The following FGF12 variants were observed in gnomAD, a reference collection of about 807,000 sequenced individuals.
FGF12 encodes fibroblast growth factor 12B.
A neutral mutation model predicts 23.6 loss-of-function variants in FGF12; 14 were observed. The ratio of observed to expected loss-of-function variants is 0.59; its 90% confidence interval spans 0.39 to 0.93. FGF12 has a LOEUF of 0.93. Ranked by LOEUF, FGF12 falls within the 40% of genes least tolerant of loss-of-function variation. FGF12 has a pLI of 0.00. For missense variants in FGF12, 175 were observed against 217.8 expected, an observed-to-expected ratio of 0.80 and a Z score of 1.24; for synonymous variants, 62 against 77.3, an observed-to-expected ratio of 0.80 and a Z score of 1.04.
At chr3:192,181,459 A>G (rs1213016172) in intron 4 of FGF12, among the ~76,000 whole-genome samples, 1 of 151,848 alleles carries the variant, frequency 6.6e-6, no homozygotes, top group South Asian at 2.1e-4. Flanking sequence ...CAAAACACAC[A>G]CCTGTATCAG....
At chr3:192,523,650 A>T (rs2055420) in intron 2 of FGF12, among the ~76,000 whole-genome samples, 9 of 152,104 alleles carry the variant, frequency 5.9e-5, no homozygotes, top group African/African-American at 9.7e-5. Flanking sequence ...ATAAGATACT[A>T]TTAAGTCCAC....
chr3:192,664,007 A>G (rs55819291), intron 2 of FGF12, among the ~76,000 whole-genome samples: 13,039 of 152,194 alleles, frequency 0.086, 752 homozygotes, highest in African/African-American at 0.16. Context: ...AGCTTCTCCA[A>G]TCCTACCACT....
At chr3:192,507,710 A>G (rs997701544) in intron 2 of FGF12, among the ~76,000 whole-genome samples, 5 of 152,216 alleles carry the variant, frequency 3.3e-5, no homozygotes, top group Non-Finnish European at 5.9e-5. Context: ...CCAGGCTGAA[A>G]GGGCTATTAC....
chr3:192,681,742 A>C (rs1343120726), intron 2 of FGF12, among the ~76,000 whole-genome samples: 1 of 129,352 alleles, frequency 7.7e-6, no homozygotes, highest in Non-Finnish European at 1.6e-5. Flanking sequence ...ACAGATGGGC[A>C]TACAGGGAGC....
rs143761352 is a variant in FGF12, at chr3:192,318,435, A to T, written c.228+16926T>A. On this transcript the variant is annotated intron_variant, in intron 4 of 5. Transcript: ENST00000445105. ...TCTAGAGTTGGAAAACGCAACTGAC[A>T]TAGTGAAGAATGCATTAACATCTCT... 1.1e-3 allele frequency among the ~76,000 whole-genome samples: 164 copies of T among 152,330 alleles called. 1 individual carries two copies. The highest frequency in any genetic ancestry group is 3.8e-3 in the African/African-American group (157 of 41,578).
intron 2 of FGF12, among the ~76,000 whole-genome samples, chr3:192,668,934 G>C (rs1026552221): frequency 6.6e-6 from 1 of 152,038 alleles, no homozygotes; most frequent in Non-Finnish European, 1.5e-5. Flanking sequence ...ACCATGATAA[G>C]AATTGAAAGA....
intron 5 of FGF12, among the ~76,000 whole-genome samples, chr3:192,169,731 C>T (rs60023530): frequency 0.068 from 10,288 of 151,536 alleles, 440 homozygotes; most frequent in African/African-American, 0.1. Flanking sequence ...TAGTAGAAAG[C>T]TTGGCTGAAT....
At chr3:192,298,020 AC>A (rs1383012743) in intron 4 of FGF12, among the ~76,000 whole-genome samples, 2 of 152,200 alleles carry the variant, frequency 1.3e-5, no homozygotes, top group African/African-American at 4.8e-5. Context: ...ACAATATTAG[AC>A]CATTAGCGCT....
At chr3:192,362,535 T>A (rs1424489102) in intron 2 of FGF12, among the ~76,000 whole-genome samples, 1 of 152,160 alleles carries the variant, frequency 6.6e-6, no homozygotes, top group African/African-American at 2.4e-5. Context: ...TGCCTCTGCC[T>A]TTGGCTACCT....
chr3:192,659,031 G>A (rs1716553342), intron 2 of FGF12, among the ~76,000 whole-genome samples: 1 of 152,150 alleles, frequency 6.6e-6, no homozygotes, highest in Admixed American at 6.5e-5. Context: ...GTGGATCATG[G>A]GACAGGACAA....
chr3:192,248,048 T>C (rs1424954980), intron 4 of FGF12, among the ~76,000 whole-genome samples: 1 of 152,186 alleles, frequency 6.6e-6, no homozygotes, highest in Non-Finnish European at 1.5e-5. Context: ...GAATAAATGG[T>C]TCAGCAAATT....
intron 2 of FGF12, among the ~76,000 whole-genome samples, chr3:192,518,839 C>A (rs1013392510): frequency 6.6e-6 from 1 of 152,046 alleles, no homozygotes. Context: ...TTTAAAATTT[C>A]TCTTCTTCCT....
At chr3:192,518,381 AAG>A (rs1365998646) in intron 2 of FGF12, among the ~76,000 whole-genome samples, 3 of 152,158 alleles carry the variant, frequency 2.0e-5, no homozygotes, top group Non-Finnish European at 4.4e-5. Flanking sequence ...AATAATTACT[AAG>A]AGTTTGTAGA....
intron 2 of FGF12, among the ~76,000 whole-genome samples, chr3:192,697,830 G>C (rs1439071114): frequency 5.9e-5 from 9 of 152,156 alleles, no homozygotes; most frequent in Admixed American, 5.2e-4. Context: ...CTGAAATGCT[G>C]CTCTCCCAAA....
chr3:192,152,507 T>C (rs1714115617), intron 5 of FGF12, among the ~76,000 whole-genome samples: 1 of 151,000 alleles, frequency 6.6e-6, no homozygotes, highest in African/African-American at 2.4e-5. Context: ...GATTCTGGTA[T>C]GTTATGTCTT....
At chr3:192,370,609 C>A (rs1480493954) in intron 2 of FGF12, among the ~76,000 whole-genome samples, 5 of 152,040 alleles carry the variant, frequency 3.3e-5, no homozygotes, top group Admixed American at 3.3e-4. Flanking sequence ...CTTCAGAGGC[C>A]AATGCATTAA....
In FGF12 at chr3:192,452,978, A is replaced by G. The variant is rs574614748; in HGVS notation, c.14-92440T>C. Among the ~76,000 whole-genome samples, 5 of 152,286 alleles carry G rather than the reference A, an allele frequency of 3.3e-5. No homozygotes were observed. In the East Asian group the frequency reaches 9.6e-4, roughly 29 times the overall value. ...GTTTCTTTGTGTATCTATGATGCGT[A>G]TCTTTCCATAATTCCAGACAATTTT... On this transcript the variant is annotated intron_variant, in intron 2 of 5. Coordinates refer to ENST00000445105, the MANE Select transcript of FGF12 (RefSeq NM_004113.6).
chr3:192,311,656 C>A (rs76170584), intron 4 of FGF12, among the ~76,000 whole-genome samples: 5,506 of 152,164 alleles, frequency 0.036, 324 homozygotes, highest in African/African-American at 0.13. Flanking sequence ...TTCTTGGGTA[C>A]ACATCTAGCC....
At chr3:192,447,715 T>C (rs541422467) in intron 2 of FGF12, among the ~76,000 whole-genome samples, 5 of 152,230 alleles carry the variant, frequency 3.3e-5, no homozygotes, top group African/African-American at 9.6e-5. Context: ...AGTATACTTA[T>C]CATTTTCCCA....
Sources: gnomAD v4.1 joint callset for allele counts (sites outside exome capture counted in the v4.1 genomes callset) on GRCh38, gnomAD v4.1.1 for gene constraint, MANE v1.5 for transcripts, NCBI Gene and HGNC (gene_info 2026-07-23, HGNC 2026-07-21) for gene names.